TBC1D21: variants seen among roughly 807,000 people sequenced by gnomAD.
TBC1D21 encodes the protein male germ cell Rab GTPase-activating protein.
Under a neutral mutation model 46.0 loss-of-function variants are expected in TBC1D21, and 38 were observed. That is an observed-to-expected ratio of 0.83 (90% CI 0.64 to 1.08). The LOEUF (loss-of-function observed/expected upper bound fraction) is 1.08, where lower values mean the gene tolerates loss of function less well. Ranked by LOEUF, TBC1D21 falls within the 50% of genes least tolerant of loss-of-function variation. The probability of loss-of-function intolerance (pLI) is 0.00; values close to 1 mark genes in which losing one functional copy is unlikely to be tolerated. For missense variants in TBC1D21, 415 were observed against 417.9 expected, an observed-to-expected ratio of 0.99 and a Z score of 0.06; for synonymous variants, 151 against 157.2, an observed-to-expected ratio of 0.96 and a Z score of 0.29.
intron 3 of TBC1D21, 97 bp from the exon 4 acceptor site, chr15:73,884,054 C>T: frequency 1.0e-6 from 1 of 995,678 alleles, no homozygotes; most frequent in Non-Finnish European, 1.6e-6. Flanking sequence ...AGGGTGCTGC[C>T]CTGGATCTGC....
rs1396225998 is a variant in TBC1D21, at chr15:73,888,530, A to C, written c.978+17A>C. 6.2e-7 allele frequency: 1 copy of C among 1,603,612 alleles called. No individual in the cohort carries two copies. The highest frequency in any genetic ancestry group is 1.4e-5 in the African/African-American group (1 of 73,840). The stretch of plus-strand genomic sequence containing the variant: ...CAGAAGGATGTAAGTTGCCCCAATG[A>C]TGTGTCCTCCTCCTCCTCTTCCTCC... On this transcript the variant is annotated intron_variant, in intron 10 of 10. Transcript: ENST00000300504.
At chr15:73,876,178 A>C (rs1011319797) in intron 1 of TBC1D21, among the ~76,000 whole-genome samples, 2 of 144,254 alleles carry the variant, frequency 1.4e-5, no homozygotes, top group Non-Finnish European at 3.0e-5. Context: ...TAGAAGGAAG[A>C]ATCAGTGACT....
rs539070388 is a variant in TBC1D21, at chr15:73,876,388, C to T, written c.60+2619C>T. On this transcript the variant is annotated intron_variant, in intron 1 of 10. Coordinates refer to ENST00000300504, the MANE Select transcript of TBC1D21 (RefSeq NM_153356.3). ...GACCACAGGTGCCCACTACAACACC[C>T]GGGTAATTTTTGTTTTTTTTTTTTT... 9.1e-3 allele frequency among the ~76,000 whole-genome samples: 1,183 copies of T among 129,424 alleles called. 10 individuals carry two copies. The highest frequency in any genetic ancestry group is 0.012 in the South Asian group (43 of 3,442). The allele number at this position is 129,424 out of a possible 152,430, so 84.9% of individuals were successfully genotyped here. A position where few individuals can be genotyped will look rare whatever the true frequency, so the allele number is the denominator to read the frequency against.
chr15:73,898,881 A>AAATATATTTATATATATT, the TBC1D21 span, among the ~76,000 whole-genome samples: 1 of 54,354 alleles, frequency 1.8e-5, no homozygotes, highest in Non-Finnish European at 4.2e-5. Flanking sequence ...AAAAAAAAAA[A>AAATATATTTATATATATT]TATATATATA....
At chr15:73,904,826 TAAGAGA>T in the TBC1D21 span, among the ~76,000 whole-genome samples, 1 of 149,672 alleles carries the variant, frequency 6.7e-6, no homozygotes. Flanking sequence ...GAGAGAAGAG[TAAGAGA>T]GACATGGAGA....
the TBC1D21 span, among the ~76,000 whole-genome samples, chr15:73,896,313 G>A: frequency 2.9e-5 from 2 of 68,356 alleles, no homozygotes; most frequent in Non-Finnish European, 8.2e-5. Context: ...AGGGGTGGAA[G>A]TCATGGCGAG....
chr15:73,886,413 CA>C (rs1269377484), intron 7 of TBC1D21, 98 bp from the exon 8 acceptor site: 1 of 1,140,142 alleles, frequency 8.8e-7, no homozygotes, highest in African/African-American at 1.5e-5. Flanking sequence ...TTGTATTTCC[CA>C]AGTGTTTTGC....
At chr15:73,902,273 C>T in the TBC1D21 span, among the ~76,000 whole-genome samples, 1 of 152,184 alleles carries the variant, frequency 6.6e-6, no homozygotes. Flanking sequence ...CTCCTCATTG[C>T]CTTCCAAGCA....
At position 73,884,252 on chromosome 15, in the gene TBC1D21, A is replaced by G. The variant is rs1333940145; in HGVS notation, c.367+7A>G. ...GAGACTCGCAATAACATTGGTGAGC[A>G]AAGTGGGGTGGAGAGGGCTGGGCAG... is the stretch of plus-strand genomic sequence containing the variant. On this transcript the variant is annotated splice_region_variant and intron_variant, in intron 4 of 10. Transcript: ENST00000300504. 9.9e-6 allele frequency: 16 copies of G among 1,613,854 alleles called. No homozygotes were observed. The highest frequency in any genetic ancestry group is 1.3e-5 in the Non-Finnish European group (15 of 1,179,690).
At chr15:73,908,231 A>T in the TBC1D21 span, 2 of 152,428 alleles carry the variant, frequency 1.3e-5, no homozygotes, top group African/African-American at 4.8e-5. Flanking sequence ...CACACCACAC[A>T]CACACATAAA....
chr15:73,888,564 TTCCTCC>T lies in TBC1D21; in HGVS notation c.978+63_978+68del, dbSNP rs376821140. On this transcript the variant is annotated intron_variant, in intron 10 of 10. Coordinates refer to ENST00000300504, the MANE Select transcript of TBC1D21 (RefSeq NM_153356.3). Reference sequence around the variant, plus strand: ...CCTCCTCCTCTTCCTCCTCCTCCTCTTCCTCCTCCTCCTCCTCTTCCTCCTCCTCCT... The same window carrying T: ...CCTCCTCCTCTTCCTCCTCCTCCTCTTCCTCCTCCTCTTCCTCCTCCTCCT... 38 of 1,130,930 alleles carry T rather than the reference TTCCTCC, an allele frequency of 3.4e-5. No individual in the cohort carries two copies. The Admixed American group carries it at 4.6e-4, about 14-fold the overall frequency. The allele number at this position is 1,130,930 out of a possible 1,614,324, so 70.1% of individuals were successfully genotyped here.
chr15:73,891,739 TCACACCTGGGGCAG>T (rs1464556681), downstream of TBC1D21, among the ~76,000 whole-genome samples: 1 of 152,188 alleles, frequency 6.6e-6, no homozygotes, highest in Admixed American at 6.5e-5. Flanking sequence ...CCAGGTGTGC[TCACACCTGGGGCAG>T]CACTTACACA....
chr15:73,895,595 C>T, the TBC1D21 span, among the ~76,000 whole-genome samples: 4 of 152,192 alleles, frequency 2.6e-5, no homozygotes, highest in East Asian at 1.9e-4. Context: ...ACCCGAACAC[C>T]GGTAGTGCAG....
downstream of TBC1D21, among the ~76,000 whole-genome samples, chr15:73,893,018 G>A (rs908211345): frequency 3.9e-5 from 6 of 152,216 alleles, no homozygotes; most frequent in African/African-American, 1.4e-4. Context: ...TAGTGATGGT[G>A]ACATCAGTGG....
rs1484392500 is a variant in TBC1D21 at position 73,886,012 on chromosome 15, A to C, written c.580-66A>C. On this transcript the variant is annotated intron_variant, in intron 6 of 10. Coordinates refer to ENST00000300504, the MANE Select transcript of TBC1D21 (RefSeq NM_153356.3). Reference sequence around the variant, plus strand: ...CTCCAGAAGTGAAGCTGGGGGAAGCAGAGTTGACTCTTCCGGTGCCTTGAA... The same window carrying C: ...CTCCAGAAGTGAAGCTGGGGGAAGCCGAGTTGACTCTTCCGGTGCCTTGAA... 6.5e-6 allele frequency: 9 copies of C among 1,379,038 alleles called. No homozygotes were observed. In the South Asian group the frequency reaches 8.4e-5, roughly 13 times the overall value. 85.4% of individuals were successfully genotyped at this position (1,379,038 alleles called of 1,614,324 possible).
Position 73,876,225 on chromosome 15 carries a change from T to TTTG in TBC1D21, c.60+2458_60+2459insGTT, listed in dbSNP as rs2068063134. On this transcript the variant is annotated intron_variant, in intron 1 of 10. Transcript: ENST00000300504. ...TTTTTTTTTTTTTTTTTTTTTTTTT[T>TTTG]TTTTTTTTTTTTTTTTTTTTGAGAC... Among the ~76,000 whole-genome samples, 41 of 58,958 alleles carry TTTG rather than the reference T, an allele frequency of 7.0e-4. 1 individual carries two copies. Among genetic ancestry groups the TTTG allele is most frequent in the South Asian group, 2.0e-3 (3 of 1,478 alleles). The allele number at this position is 58,958 out of a possible 152,430, so 38.7% of individuals were successfully genotyped here.
chr15:73,873,677 T>C lies in TBC1D21; in HGVS notation c.-33T>C, dbSNP rs535645357. ...CATCACTAGGGCTCCAAGTGAGTTC[T>C]GATCAGAGGCTGTTCGGAAGACAGC... On this transcript the variant is annotated 5_prime_UTR_variant, in exon 1 of 11. Coordinates refer to ENST00000300504, the MANE Select transcript of TBC1D21 (RefSeq NM_153356.3). 1 of 1,586,572 alleles carries C rather than the reference T, an allele frequency of 6.3e-7. No individual in the cohort carries two copies. Among genetic ancestry groups the C allele is most frequent in the African/African-American group, 1.3e-5 (1 of 74,340 alleles).
chr15:73,881,823 T>G, intron 3 of TBC1D21, 76 bp downstream of exon 3: 2 of 1,294,218 alleles, frequency 1.5e-6, no homozygotes, highest in Non-Finnish European at 2.2e-6. Context: ...GCCTGCAGAC[T>G]ATCTTCTGCC....
the TBC1D21 span, among the ~76,000 whole-genome samples, chr15:73,909,350 G>A: frequency 9.0e-5 from 13 of 145,250 alleles, no homozygotes; most frequent in East Asian, 8.8e-4. Context: ...CAGCCTGGGC[G>A]ACACAGCGAG....
Sources: gnomAD v4.1 joint callset for allele counts (sites outside exome capture counted in the v4.1 genomes callset) on GRCh38, gnomAD v4.1.1 for gene constraint, MANE v1.5 for transcripts, NCBI Gene and HGNC (gene_info 2026-07-23, HGNC 2026-07-21) for gene names.